HSD17B12: variants seen among roughly 807,000 people sequenced by gnomAD.
HSD17B12 encodes very-long-chain 3-oxoacyl-CoA reductase.
HSD17B12 carries 32 observed loss-of-function variants against 39.3 expected under a neutral mutation model. The observed-to-expected ratio is 0.81, with a 90% CI of 0.61 to 1.09. The LOEUF is 1.09. Among genes scored for constraint, HSD17B12 ranks in the 50% least tolerant of loss-of-function variants. The pLI is 0.00. For synonymous variants in HSD17B12, 150 were observed against 146.7 expected, an observed-to-expected ratio of 1.02 and a Z score of -0.16; for missense variants, 342 against 382.9, an observed-to-expected ratio of 0.89 and a Z score of 0.89.
chr11:43,648,421 C>CAA, the HSD17B12 span, among the ~76,000 whole-genome samples: 1 of 151,718 alleles, frequency 6.6e-6, no homozygotes, highest in Non-Finnish European at 1.5e-5. Flanking sequence ...ATTTGGCCTG[C>CAA]AAAAAAATCC....
chr11:43,588,948 C>T, the HSD17B12 span, among the ~76,000 whole-genome samples: 13 of 150,666 alleles, frequency 8.6e-5, no homozygotes, highest in African/African-American at 2.9e-4. Flanking sequence ...AATTTAATTA[C>T]AATTGTTTTT....
the HSD17B12 span, among the ~76,000 whole-genome samples, chr11:43,624,329 A>G: frequency 2.5e-3 from 383 of 152,138 alleles, no homozygotes; most frequent in Non-Finnish European, 4.4e-3. Flanking sequence ...CAAACGTTAC[A>G]TTAGTAATGA....
intron 7 of HSD17B12, among the ~76,000 whole-genome samples, chr11:43,832,807 A>G (rs1434807509): frequency 1.3e-5 from 2 of 152,138 alleles, no homozygotes; most frequent in Non-Finnish European, 2.9e-5. Context: ...AGGTGGGTGA[A>G]TCACTTGAGG....
intron 3 of HSD17B12, among the ~76,000 whole-genome samples, chr11:43,791,396 G>A (rs1950866260): frequency 6.6e-6 from 1 of 152,100 alleles, no homozygotes; most frequent in African/African-American, 2.4e-5. Flanking sequence ...GCTGGGTGTG[G>A]TGGTGGGTGC....
chr11:43,680,785 C>T lies in HSD17B12; in HGVS notation c.-43C>T, dbSNP rs1949734781. ...GCGCCTCCTCCTGGATTCATTCACTCGCTCTTTTCATTCACGAAGGTAGTG... is the reference window on the plus strand; with the variant it reads ...GCGCCTCCTCCTGGATTCATTCACTTGCTCTTTTCATTCACGAAGGTAGTG... On this transcript the variant is annotated 5_prime_UTR_variant, in exon 1 of 11. Transcript: ENST00000278353. The T allele has an allele frequency of 6.4e-7, 1 of 1,554,276 alleles. No individual in the cohort carries two copies. Among genetic ancestry groups the T allele is most frequent in the Non-Finnish European group, 8.9e-7 (1 of 1,125,718 alleles).
chr11:43,605,303 T>C, the HSD17B12 span, among the ~76,000 whole-genome samples: 2 of 152,122 alleles, frequency 1.3e-5, no homozygotes, highest in Non-Finnish European at 2.9e-5. Context: ...GGCTCATGCC[T>C]GTAATCCCAG....
the HSD17B12 span, among the ~76,000 whole-genome samples, chr11:43,557,157 G>T: frequency 6.6e-6 from 1 of 152,134 alleles, no homozygotes; most frequent in Admixed American, 6.5e-5. Flanking sequence ...TTTTGCAGGA[G>T]GCATGCCAGC....
At chr11:43,840,199 T>C (rs1403455657) in intron 9 of HSD17B12, 135 bp downstream of exon 9, 4 of 623,456 alleles carry the variant, frequency 6.4e-6, no homozygotes, top group South Asian at 4.9e-5. Context: ...ATTAAAAACG[T>C]GGTTTCTTTT....
the HSD17B12 span, among the ~76,000 whole-genome samples, chr11:43,572,356 T>G: frequency 1.3e-5 from 2 of 152,168 alleles, no homozygotes; most frequent in African/African-American, 4.8e-5. Context: ...TTAGGAGGAA[T>G]AGATCAGTCT....
At chr11:43,650,360 GA>G in the HSD17B12 span, among the ~76,000 whole-genome samples, 1 of 152,162 alleles carries the variant, frequency 6.6e-6, no homozygotes, top group African/African-American at 2.4e-5. Context: ...CTAACAACAT[GA>G]AAAGGTACGC....
intron 9 of HSD17B12, among the ~76,000 whole-genome samples, chr11:43,841,539 G>T (rs1951425971): frequency 6.6e-6 from 1 of 152,100 alleles, no homozygotes; most frequent in Non-Finnish European, 1.5e-5. Flanking sequence ...GATCCATTTT[G>T]AGTTAACTTT....
chr11:43,695,129 C>CT (rs2134791984), intron 1 of HSD17B12, among the ~76,000 whole-genome samples: 1 of 151,346 alleles, frequency 6.6e-6, no homozygotes, highest in South Asian at 2.1e-4. Context: ...GAGTGAGACT[C>CT]TGTCTCAAAA....
At chr11:43,663,668 A>G in the HSD17B12 span, among the ~76,000 whole-genome samples, 1 of 152,110 alleles carries the variant, frequency 6.6e-6, no homozygotes, top group African/African-American at 2.4e-5. Flanking sequence ...AATCTTGTCC[A>G]TGTTACCAAC....
At chr11:43,566,454 T>C in the HSD17B12 span, among the ~76,000 whole-genome samples, 1 of 152,120 alleles carries the variant, frequency 6.6e-6, no homozygotes, top group East Asian at 1.9e-4. Context: ...TGAGCAATTG[T>C]TAATTGTAAG....
At chr11:43,839,890 G>T in intron 8 of HSD17B12, 109 bp from the exon 9 acceptor site, 1 of 905,760 alleles carries the variant, frequency 1.1e-6, no homozygotes. Context: ...AAAAAATGAT[G>T]AGAAATTATA....
chr11:43,692,744 T>TA (rs1278662606), intron 1 of HSD17B12, among the ~76,000 whole-genome samples: 2 of 152,204 alleles, frequency 1.3e-5, no homozygotes, highest in Admixed American at 6.5e-5. Flanking sequence ...GAAATTGTGA[T>TA]AAAATAAGTC....
the HSD17B12 span, among the ~76,000 whole-genome samples, chr11:43,630,193 T>C: frequency 6.6e-6 from 1 of 151,752 alleles, no homozygotes; most frequent in South Asian, 2.1e-4. Flanking sequence ...TTTCAGTCCA[T>C]GGAAAAAAAG....
chr11:43,676,208 G>GGGGTGTGT (rs1554958171), upstream of HSD17B12, among the ~76,000 whole-genome samples: 5 of 147,728 alleles, frequency 3.4e-5, no homozygotes, highest in African/African-American at 7.5e-5. Flanking sequence ...AGAGGAAGAG[G>GGGGTGTGT]GTGTGTGTGT....
chr11:43,793,020 G>A lies in HSD17B12; in HGVS notation c.284-5300G>A, dbSNP rs117855332. 1.4e-4 allele frequency among the ~76,000 whole-genome samples: 21 copies of A among 152,152 alleles called. No individual in the cohort carries two copies. In the East Asian group the frequency reaches 4.1e-3, roughly 29 times the overall value. On this transcript the variant is annotated intron_variant, in intron 3 of 10. Transcript: ENST00000278353. ...ATGACCTCTGCTTTATGCCAGACAT[G>A]GTGCTAGCTGCAGGGAATACAAATA... is the stretch of plus-strand genomic sequence containing the variant.
Sources: gnomAD v4.1 joint callset for allele counts (sites outside exome capture counted in the v4.1 genomes callset) on GRCh38, gnomAD v4.1.1 for gene constraint, MANE v1.5 for transcripts, NCBI Gene and HGNC (gene_info 2026-07-23, HGNC 2026-07-21) for gene names.